Variants in MNAT1 observed in about 807,000 individuals in gnomAD.
MNAT1 encodes the protein MNAT1 component of CDK activating kinase.
A neutral mutation model predicts 42.0 loss-of-function variants in MNAT1; 43 were observed. The ratio of observed to expected loss-of-function variants is 1.02; its 90% CI spans 0.80 to 1.32. The LOEUF is 1.32. Ranked by LOEUF, MNAT1 falls within the 40% of genes most tolerant of loss-of-function variation. MNAT1 has a pLI of 0.00. For missense variants in MNAT1, 306 were observed against 350.4 expected (o/e 0.87, Z 1.01); for synonymous variants, 118 against 120.0 (o/e 0.98, Z 0.11).
intron 3 of MNAT1, among the ~76,000 whole-genome samples, chr14:60,800,225 T>C (rs2032158772): frequency 6.6e-6 from 1 of 152,184 alleles, no homozygotes; most frequent in Non-Finnish European, 1.5e-5. Context: ...AGAAGGATTC[T>C]GTTTCTCAGG....
At chr14:60,867,129 T>C (rs964535737) in intron 6 of MNAT1, among the ~76,000 whole-genome samples, 4 of 152,130 alleles carry the variant, frequency 2.6e-5, no homozygotes, top group African/African-American at 9.7e-5. Context: ...TTTAGAGCCA[T>C]TTTATTTCTA....
chr14:60,854,575 G>A (rs2033908362), intron 6 of MNAT1, among the ~76,000 whole-genome samples: 1 of 152,160 alleles, frequency 6.6e-6, no homozygotes, highest in Non-Finnish European at 1.5e-5. Context: ...CAGGTCTGCT[G>A]CAGTTTGCTG....
At chr14:60,755,837 G>A (rs1315076120) in intron 1 of MNAT1, among the ~76,000 whole-genome samples, 1 of 152,144 alleles carries the variant, frequency 6.6e-6, no homozygotes. Context: ...TCCTAGGAGA[G>A]GCATTGAAAC....
At position 60,969,894 on chromosome 14, in the gene MNAT1, G is replaced by C. The variant is rs2139633954; in HGVS notation, c.*1545G>C. On this transcript the variant is annotated 3_prime_UTR_variant, in exon 8 of 8. Transcript: ENST00000261245. ...CAAAGGCTTTTAAGGCTTGTTTTGA[G>C]CCTGCCTTATTGTGGAAATTGCATG... 6.6e-6 allele frequency: 1 copy of C among 152,256 alleles called. No individual in the cohort carries two copies. Among genetic ancestry groups the C allele is most frequent in the Non-Finnish European group, 1.5e-5 (1 of 68,004 alleles). The allele number at this position is 152,256 out of a possible 1,614,324, so 9.4% of individuals were successfully genotyped here.
At chr14:60,764,468 G>T (rs1229571578) in intron 1 of MNAT1, among the ~76,000 whole-genome samples, 2 of 6,240 alleles carry the variant, frequency 3.2e-4, no homozygotes. Flanking sequence ...GAAGTTAATG[G>T]GCTATTTGGG....
At chr14:60,915,853 C>T (rs1177628419) in intron 7 of MNAT1, among the ~76,000 whole-genome samples, 5 of 152,196 alleles carry the variant, frequency 3.3e-5, no homozygotes, top group African/African-American at 1.2e-4. Flanking sequence ...TTACCTCAAA[C>T]TTAACTTAAA....
At chr14:60,791,883 C>T (rs2031831156) in intron 1 of MNAT1, among the ~76,000 whole-genome samples, 1 of 152,034 alleles carries the variant, frequency 6.6e-6, no homozygotes, top group African/African-American at 2.4e-5. Flanking sequence ...TTTTAAAATT[C>T]CAGTTTAATT....
chr14:60,771,784 G>A (rs557686903), intron 1 of MNAT1, among the ~76,000 whole-genome samples: 54 of 152,248 alleles, frequency 3.5e-4, no homozygotes, highest in Non-Finnish European at 6.2e-4. Context: ...TGAGGGCAGG[G>A]ATCATTGTTT....
chr14:60,814,585 T>C (rs932649779), intron 5 of MNAT1, among the ~76,000 whole-genome samples: 3 of 152,114 alleles, frequency 2.0e-5, no homozygotes, highest in Admixed American at 2.0e-4. Context: ...TGTGTTCTTC[T>C]ACTGTGCTTT....
At chr14:60,890,438 C>T (rs2034811737) in intron 7 of MNAT1, among the ~76,000 whole-genome samples, 1 of 152,090 alleles carries the variant, frequency 6.6e-6, no homozygotes, top group Non-Finnish European at 1.5e-5. Context: ...AGGGACAGAA[C>T]TAATAGATAG....
intron 7 of MNAT1, among the ~76,000 whole-genome samples, chr14:60,952,477 A>G (rs1183026520): frequency 6.6e-6 from 1 of 152,180 alleles, no homozygotes; most frequent in Admixed American, 6.5e-5. Flanking sequence ...AAGACCTGAA[A>G]TACGGTAACA....
At chr14:60,816,497 A>T (rs1323277741) in intron 5 of MNAT1, among the ~76,000 whole-genome samples, 1 of 152,090 alleles carries the variant, frequency 6.6e-6, no homozygotes, top group Admixed American at 6.5e-5. Context: ...GCTTGCTTAA[A>T]GTCAGTTAAA....
At chr14:60,788,098 T>G (rs2031708400) in intron 1 of MNAT1, among the ~76,000 whole-genome samples, 1 of 152,170 alleles carries the variant, frequency 6.6e-6, no homozygotes, top group Non-Finnish European at 1.5e-5. Flanking sequence ...ATGACATGTA[T>G]TACTTAAATA....
At chr14:60,890,424 C>T (rs1382265490) in intron 7 of MNAT1, among the ~76,000 whole-genome samples, 1 of 152,142 alleles carries the variant, frequency 6.6e-6, no homozygotes, top group Non-Finnish European at 1.5e-5. Flanking sequence ...TCAGGGTTCT[C>T]TAGAGGGACA....
chr14:60,961,071 T>G (rs969081692), intron 7 of MNAT1, among the ~76,000 whole-genome samples: 1 of 152,220 alleles, frequency 6.6e-6, no homozygotes, highest in African/African-American at 2.4e-5. Context: ...CAAGTGATTC[T>G]CCTGCCTCAG....
At chr14:60,900,084 T>TC (rs1566544076) in intron 7 of MNAT1, among the ~76,000 whole-genome samples, 17 of 42,046 alleles carry the variant, frequency 4.0e-4, no homozygotes, top group Admixed American at 8.4e-4. Flanking sequence ...CTCTCTCTCT[T>TC]ACCTTGGACT....
At chr14:60,889,587 CAA>C (rs2034782174) in intron 7 of MNAT1, among the ~76,000 whole-genome samples, 1 of 152,090 alleles carries the variant, frequency 6.6e-6, no homozygotes, top group African/African-American at 2.4e-5. Context: ...CAACAAAAGC[CAA>C]AATTGACAAA....
intron 7 of MNAT1, among the ~76,000 whole-genome samples, chr14:60,893,922 G>A (rs1247983862): frequency 6.6e-6 from 1 of 152,144 alleles, no homozygotes; most frequent in Non-Finnish European, 1.5e-5. Flanking sequence ...GTGTGCCTGA[G>A]GATCAGGATG....
intron 6 of MNAT1, among the ~76,000 whole-genome samples, chr14:60,846,301 C>T (rs967479617): frequency 4.0e-5 from 6 of 151,850 alleles, no homozygotes; most frequent in Non-Finnish European, 7.4e-5. Flanking sequence ...AGTTTTGTTC[C>T]TTCTCTTTTT....
Sources: allele counts gnomAD v4.1 joint callset (sites outside exome capture counted in the v4.1 genomes callset), GRCh38; gene constraint gnomAD v4.1.1; transcripts MANE v1.5; gene names NCBI Gene and HGNC (gene_info 2026-07-23, HGNC 2026-07-21).